Variants in KIDINS220 observed in about 807,000 individuals in gnomAD.
KIDINS220 encodes the protein kinase D interacting substrate 220.
Under a neutral mutation model 157.6 loss-of-function variants are expected in KIDINS220, and 63 were observed. The ratio of observed to expected loss-of-function variants is 0.40; its 90% CI spans 0.33 to 0.49. The LOEUF is 0.49. Among genes scored for constraint, KIDINS220 ranks in the 20% least tolerant of loss-of-function variants. The pLI is 0.66. For missense variants in KIDINS220, 1,772 were observed against 2,171.2 expected, an observed-to-expected ratio of 0.82 and a Z score of 3.65; for synonymous variants, 732 against 783.6, an observed-to-expected ratio of 0.93 and a Z score of 1.10.
chr2:8,760,956 G>T (rs1458254682), intron 22 of KIDINS220, among the ~76,000 whole-genome samples: 2 of 152,174 alleles, frequency 1.3e-5, no homozygotes, highest in East Asian at 3.8e-4. Flanking sequence ...AGGGTAATGA[G>T]AGAAGACTTT....
intron 11 of KIDINS220, among the ~76,000 whole-genome samples, chr2:8,796,030 T>C (rs1361466000): frequency 6.6e-6 from 1 of 152,216 alleles, no homozygotes; most frequent in African/African-American, 2.4e-5. Context: ...TGTTGTAACA[T>C]GGCAAAATGA....
At chr2:8,741,223 A>T (rs963353908) in intron 26 of KIDINS220, among the ~76,000 whole-genome samples, 3 of 152,222 alleles carry the variant, frequency 2.0e-5, no homozygotes, top group Non-Finnish European at 4.4e-5. Context: ...ATACTAGGTC[A>T]AAGCTGACAA....
chr2:8,783,803 T>C (rs1672025327), intron 17 of KIDINS220, among the ~76,000 whole-genome samples: 3 of 152,044 alleles, frequency 2.0e-5, no homozygotes, highest in Admixed American at 6.6e-5. Context: ...TTGAAAGAAA[T>C]CAAGGAAGAA....
At chr2:8,722,338 A>G (rs1663005129), downstream of KIDINS220, 1 of 152,278 alleles carries the variant, frequency 6.6e-6, no homozygotes, top group African/African-American at 2.4e-5. Flanking sequence ...GTGTTTAAGA[A>G]CAAATATGCA....
At chr2:8,792,817 CA>C (rs1018739312) in intron 12 of KIDINS220, among the ~76,000 whole-genome samples, 17 of 151,626 alleles carry the variant, frequency 1.1e-4, no homozygotes, top group African/African-American at 4.1e-4. Flanking sequence ...ATAATATTTT[CA>C]AAAGAAAGAA....
intron 22 of KIDINS220, among the ~76,000 whole-genome samples, chr2:8,765,504 G>A (rs1669358917): frequency 6.6e-6 from 1 of 152,010 alleles, no homozygotes. Context: ...AAAAAATAAA[G>A]AATAAAACGA....
rs546147682 is a variant in KIDINS220, at chr2:8,796,951, T to C, written c.1000-82A>G. On this transcript the variant is annotated intron_variant, in intron 10 of 29. Transcript: ENST00000256707. ...TCATACAAATGCACATGTCAAGAAA[T>C]ATCTGACTCTGGTAACAGCCTATAT... 5.1e-6 allele frequency: 5 copies of C among 984,726 alleles called. No individual in the cohort carries two copies. In the Admixed American group the frequency reaches 6.9e-5, roughly 14 times the overall value. The allele number at this position is 984,726 out of a possible 1,614,324, so 61.0% of individuals were successfully genotyped here.
chr2:8,782,829 A>G (rs1263068703), intron 17 of KIDINS220, among the ~76,000 whole-genome samples: 1 of 152,242 alleles, frequency 6.6e-6, no homozygotes, highest in Non-Finnish European at 1.5e-5. Flanking sequence ...ATACACCACA[A>G]TCAAGTGAGA....
chr2:8,831,592 C>T (rs76007118), intron 1 of KIDINS220, among the ~76,000 whole-genome samples: 2 of 152,320 alleles, frequency 1.3e-5, no homozygotes, highest in African/African-American at 2.4e-5. Flanking sequence ...CCTGTGTATA[C>T]ATCTAGTTGT....
intron 1 of KIDINS220, among the ~76,000 whole-genome samples, chr2:8,836,339 G>C (rs894286490): frequency 6.6e-6 from 1 of 152,188 alleles, no homozygotes; most frequent in African/African-American, 2.4e-5. Context: ...CTAGGTTGGA[G>C]AAACCCACCC....
At chr2:8,757,763 G>A (rs1290744508) in intron 22 of KIDINS220, 1 of 1,611,420 alleles carries the variant, frequency 6.2e-7, no homozygotes, top group South Asian at 1.1e-5. Context: ...TTCGGTCTCG[G>A]TCACAACTGT....
intron 22 of KIDINS220, among the ~76,000 whole-genome samples, chr2:8,756,757 T>C (rs1202347895): frequency 6.6e-6 from 1 of 152,202 alleles, no homozygotes; most frequent in African/African-American, 2.4e-5. Context: ...TCCACCCTCA[T>C]GACCTCATCT....
At chr2:8,822,886 A>G (rs1231605977) in intron 2 of KIDINS220, among the ~76,000 whole-genome samples, 1 of 152,234 alleles carries the variant, frequency 6.6e-6, no homozygotes, top group Non-Finnish European at 1.5e-5. Flanking sequence ...TTATAAATAA[A>G]GCAATAAAAG....
downstream of KIDINS220, chr2:8,725,319 C>G (rs1482507881): frequency 1.3e-5 from 2 of 152,110 alleles, no homozygotes; most frequent in Non-Finnish European, 1.5e-5. Context: ...CAAGAGGATG[C>G]TGTAAGATGC....
rs548413431 is a variant in KIDINS220, at chr2:8,782,715, G to C, written c.2230-2901C>G. The stretch of plus-strand genomic sequence containing the variant: ...TAATACCCAAAGCAGACGAAGTCTT[G>C]ACAAGAAAAGCAAACTACAAACCAA... On this transcript the variant is annotated intron_variant, in intron 17 of 29. Transcript: ENST00000256707. Among the ~76,000 whole-genome samples, 22 of 152,246 alleles carry C rather than the reference G, an allele frequency of 1.4e-4. No individual in the cohort carries two copies. The South Asian group carries it at 4.4e-3, about 30-fold the overall frequency.
intron 2 of KIDINS220, chr2:8,825,884 C>T (rs1678712660): frequency 6.6e-6 from 1 of 151,874 alleles, no homozygotes; most frequent in Admixed American, 6.6e-5. Flanking sequence ...AGGAGACCAT[C>T]CTGGGTAACA....
downstream of KIDINS220, chr2:8,724,265 A>C (rs1663140544): frequency 6.6e-6 from 1 of 152,152 alleles, no homozygotes; most frequent in African/African-American, 2.4e-5. The surrounding 1 kb of genome is among the most constrained non-coding windows in gnomAD (Gnocchi z 4.6). Flanking sequence ...TCAGTATTTT[A>C]TGAGACGGAG....
At chr2:8,772,666 T>C (rs1358234428) in intron 21 of KIDINS220, among the ~76,000 whole-genome samples, 4 of 152,210 alleles carry the variant, frequency 2.6e-5, no homozygotes, top group Admixed American at 2.6e-4. Context: ...TTTTTAATCT[T>C]ATCTTCCAAA....
chr2:8,772,473 CG>C (rs1158636091), intron 21 of KIDINS220, among the ~76,000 whole-genome samples: 10 of 143,820 alleles, frequency 7.0e-5, no homozygotes, highest in Non-Finnish European at 1.1e-4. Context: ...GAGACTATCT[CG>C]AAAAAAAACA....
Sources: allele counts gnomAD v4.1 joint callset (sites outside exome capture counted in the v4.1 genomes callset), GRCh38; gene constraint gnomAD v4.1.1; non-coding constraint Gnocchi (gnomAD v3.1); transcripts MANE v1.5; gene names NCBI Gene and HGNC (gene_info 2026-07-23, HGNC 2026-07-21).